Variants in MTUS2 observed in about 807,000 individuals in gnomAD.
MTUS2 encodes the protein microtubule associated scaffold protein 2.
In MTUS2, 40 loss-of-function variants were observed where a neutral mutation model predicts 114.1. The ratio of observed to expected loss-of-function variants is 0.35; its 90% CI spans 0.27 to 0.46. The LOEUF (loss-of-function observed/expected upper bound fraction) is 0.46, where lower values mean the gene tolerates loss of function less well. Among genes scored for constraint, MTUS2 ranks in the 20% least tolerant of loss-of-function variants. The pLI, the probability that MTUS2 is intolerant of heterozygous loss-of-function variation, is 1.00. For missense variants in MTUS2, 1,679 were observed against 1,705.4 expected, an observed-to-expected ratio of 0.98 and a Z score of 0.27; for synonymous variants, 688 against 672.0, an observed-to-expected ratio of 1.02 and a Z score of -0.37.
At chr13:29,295,428 C>G (rs542794514) in intron 6 of MTUS2, among the ~76,000 whole-genome samples, 2 of 152,182 alleles carry the variant, frequency 1.3e-5, no homozygotes, top group African/African-American at 2.4e-5. Flanking sequence ...TCCCCTACCC[C>G]CTACCTTCCC....
chr13:29,202,530 A>G (rs1895003167), intron 5 of MTUS2, among the ~76,000 whole-genome samples: 1 of 152,020 alleles, frequency 6.6e-6, no homozygotes, highest in Non-Finnish European at 1.5e-5. Context: ...CTCGTTCTCC[A>G]TCCAGTTTTG....
chr13:29,128,409 A>T (rs1428562714), intron 5 of MTUS2, among the ~76,000 whole-genome samples: 1 of 152,120 alleles, frequency 6.6e-6, no homozygotes, highest in Non-Finnish European at 1.5e-5. Context: ...ATGCAGAGGG[A>T]CTCAGATGGC....
At chr13:29,076,370 G>A (rs1433305132) in intron 4 of MTUS2, among the ~76,000 whole-genome samples, 1 of 152,288 alleles carries the variant, frequency 6.6e-6, no homozygotes, top group Non-Finnish European at 1.5e-5. Flanking sequence ...TCACTCTAAC[G>A]CTTAGATGCT....
At chr13:29,392,467 C>T (rs1179681159) in intron 8 of MTUS2, among the ~76,000 whole-genome samples, 1 of 152,194 alleles carries the variant, frequency 6.6e-6, no homozygotes, top group Non-Finnish European at 1.5e-5. Flanking sequence ...ACAGGACACA[C>T]AGCTGAGGAG....
chr13:29,228,473 A>C (rs1197740087), intron 5 of MTUS2, among the ~76,000 whole-genome samples: 2 of 152,038 alleles, frequency 1.3e-5, no homozygotes, highest in African/African-American at 4.8e-5. Context: ...GGAGTGTGCC[A>C]CCACACCTGG....
chr13:29,094,781 A>G (rs1214716695), intron 4 of MTUS2, among the ~76,000 whole-genome samples: 2 of 151,884 alleles, frequency 1.3e-5, no homozygotes, highest in African/African-American at 4.8e-5. Context: ...ACTTTATTGA[A>G]TTGACATCTA....
intron 5 of MTUS2, among the ~76,000 whole-genome samples, chr13:29,108,695 C>A (rs540602253): frequency 1.3e-5 from 2 of 152,076 alleles, no homozygotes; most frequent in Admixed American, 1.3e-4. Flanking sequence ...GATTGAAGAC[C>A]ACACAGCATT....
intron 6 of MTUS2, chr13:29,307,003 A>G (rs1899499199): frequency 3.7e-6 from 2 of 540,578 alleles, no homozygotes; most frequent in African/African-American, 1.9e-5. Flanking sequence ...TCTCATCACC[A>G]TCTTCCAGGA....
intron 9 of MTUS2, among the ~76,000 whole-genome samples, chr13:29,463,571 G>C (rs1005119403): frequency 6.7e-6 from 1 of 149,082 alleles, no homozygotes; most frequent in Admixed American, 6.7e-5. Context: ...AGGAAGTTGA[G>C]GCCCAGAGCT....
At chr13:29,244,142 A>G (rs1896825492) in intron 5 of MTUS2, among the ~76,000 whole-genome samples, 1 of 152,118 alleles carries the variant, frequency 6.6e-6, no homozygotes, top group African/African-American at 2.4e-5. Context: ...GAAAGGAGAT[A>G]AAACTTTGGA....
chr13:29,359,333 G>C lies in MTUS2; in HGVS notation c.2977G>C (p.Ala993Pro), dbSNP rs763209059. Residue 993 changes from alanine to proline, a missense_variant, in exon 8 of 16, where the codon GCT becomes CCT. This residue lies in a region of MTUS2 where 822 missense variants were observed against 899.7 expected (regional missense o/e 0.91). Transcript: ENST00000612955. ...CAAGCCGGACCCGCAGGCCCGTGAG[G>C]CTGAGCGGCAGCTGGTGCTGCGGCT... is the stretch of plus-strand genomic sequence containing the variant. ...PPKPDPQARE[A>P]ERQLVLRLKE... is the part of the protein sequence containing the mutation. 1.3e-5 allele frequency: 21 copies of C among 1,611,576 alleles called. No homozygotes were observed. Among genetic ancestry groups the C allele is most frequent in the Non-Finnish European group, 1.8e-5 (21 of 1,179,040 alleles).
At chr13:29,070,767 T>C (rs371783081) in intron 4 of MTUS2, among the ~76,000 whole-genome samples, 9 of 152,160 alleles carry the variant, frequency 5.9e-5, no homozygotes, top group African/African-American at 2.2e-4. Flanking sequence ...CCTCTCTGTT[T>C]TCTCTTTCTT....
chr13:29,304,021 C>T (rs1424404097), intron 6 of MTUS2, among the ~76,000 whole-genome samples: 2 of 152,156 alleles, frequency 1.3e-5, no homozygotes, highest in Non-Finnish European at 2.9e-5. Context: ...CCCAGAATTT[C>T]AGATCTGGCC....
intron 5 of MTUS2, among the ~76,000 whole-genome samples, chr13:29,122,828 C>T (rs998538625): frequency 3.9e-5 from 6 of 152,114 alleles, no homozygotes; most frequent in South Asian, 2.1e-4. Flanking sequence ...CATCCCTGTC[C>T]GTATCACTGG....
chr13:29,058,368 T>C (rs1313985880), intron 4 of MTUS2, among the ~76,000 whole-genome samples: 1 of 152,006 alleles, frequency 6.6e-6, no homozygotes, highest in African/African-American at 2.4e-5. Context: ...TCCTCAAATA[T>C]GTTTTCCAAA....
chr13:29,211,446 C>A (rs1167263620), intron 5 of MTUS2, among the ~76,000 whole-genome samples: 1 of 152,290 alleles, frequency 6.6e-6, no homozygotes, highest in Non-Finnish European at 1.5e-5. Context: ...ATCTGTACTC[C>A]CAGATCACCT....
At chr13:29,361,286 G>A (rs151276077) in intron 8 of MTUS2, among the ~76,000 whole-genome samples, 3 of 152,206 alleles carry the variant, frequency 2.0e-5, no homozygotes, top group South Asian at 4.2e-4. Flanking sequence ...GATGGATGGT[G>A]GACATGAATT....
At chr13:29,243,419 C>T (rs534769348) in intron 5 of MTUS2, among the ~76,000 whole-genome samples, 1 of 152,272 alleles carries the variant, frequency 6.6e-6, no homozygotes, top group South Asian at 2.1e-4. Context: ...AAGATGACAC[C>T]AAAAGTGTCT....
At chr13:29,229,687 T>C (rs1468287764) in intron 5 of MTUS2, among the ~76,000 whole-genome samples, 3 of 152,328 alleles carry the variant, frequency 2.0e-5, no homozygotes, top group East Asian at 1.9e-4. Flanking sequence ...ACAGGAATCT[T>C]TTCTGAAACA....
Sources: gnomAD v4.1 joint callset for allele counts (sites outside exome capture counted in the v4.1 genomes callset) on GRCh38, gnomAD v4.1.1 for gene constraint, gnomAD v4.1.1 regional missense constraint, MANE v1.5 for transcripts, NCBI Gene and HGNC (gene_info 2026-07-23, HGNC 2026-07-21) for gene names.